Variants in KIF26A observed in about 807,000 individuals in gnomAD.
KIF26A encodes kinesin-like protein KIF26A.
Under a neutral mutation model 126.0 loss-of-function variants are expected in KIF26A, and 74 were observed. The observed-to-expected ratio is 0.59, with a 90% CI of 0.49 to 0.71. The LOEUF (loss-of-function observed/expected upper bound fraction) is 0.71, where lower values mean the gene tolerates loss of function less well. Among genes scored for constraint, KIF26A ranks in the 30% least tolerant of loss-of-function variants. KIF26A has a pLI of 0.00. For missense variants in KIF26A, 2,984 were observed against 2,763.3 expected, an observed-to-expected ratio of 1.08 and a Z score of -1.79; for synonymous variants, 1,445 against 1,232.7, an observed-to-expected ratio of 1.17 and a Z score of -3.61.
chr14:104,161,176 C>T (rs28679788), intron 4 of KIF26A, among the ~76,000 whole-genome samples: 2,038 of 152,326 alleles, frequency 0.013, 49 homozygotes, highest in African/African-American at 0.047. Context: ...ATGCCTCAGT[C>T]TCCAGCTGCC....
At chr14:104,179,586 C>T (rs1340945627) in intron 14 of KIF26A, 23 bp from the exon 15 acceptor site, 2 of 1,489,588 alleles carry the variant, frequency 1.3e-6, no homozygotes, top group Non-Finnish European at 1.8e-6. Context: ...GCAGGTGCCC[C>T]TCCCCTCTCC....
chr14:104,177,372 C>T lies in KIF26A; in HGVS notation c.4584C>T (p.Gly1528=), dbSNP rs61741213. The change falls in exon 12 of 15, where the codon GGC becomes GGT. Residue 1528 remains glycine (G), a synonymous_variant. Coordinates refer to ENST00000423312, the MANE Select transcript of KIF26A (RefSeq NM_015656.2). ...STASVTGRSP[G]GPVAGPRAAP... The stretch of plus-strand genomic sequence containing the variant: ...CCTCTGTGACGGGCAGGAGCCCTGG[C>T]GGCCCTGTGGCCGGTCCCAGAGCAG... The T allele has an allele frequency of 4.5e-3, 6,718 of 1,484,350 alleles. 276 individuals carry two copies. The African/African-American group carries it at 0.084, about 19-fold the overall frequency. 91.9% of individuals were successfully genotyped at this position (1,484,350 alleles called of 1,614,324 possible).
chr14:104,171,480 C>T (rs966249463), intron 5 of KIF26A, among the ~76,000 whole-genome samples: 2 of 152,190 alleles, frequency 1.3e-5, no homozygotes, highest in Non-Finnish European at 2.9e-5. Context: ...GCCGCACATT[C>T]GGTGCTGACA....
rs1463783946 is a variant in KIF26A at position 104,148,225 on chromosome 14, G to C, written c.289-3790G>C. Among the ~76,000 whole-genome samples the C allele has an allele frequency of 6.6e-6, 1 of 152,186 alleles. No homozygotes were observed. On this transcript the variant is annotated intron_variant, in intron 2 of 14. Coordinates refer to ENST00000423312, the MANE Select transcript of KIF26A (RefSeq NM_015656.2). This position sits in a 1 kb window ranked among gnomAD's most constrained non-coding sequence, Gnocchi z 4.3. Reference sequence around the variant, plus strand: ...CCCCAGAAACAAAATAAAGAACAAAGTCATGATTTGTAAGTAGGGGGGAGA... The same window carrying C: ...CCCCAGAAACAAAATAAAGAACAAACTCATGATTTGTAAGTAGGGGGGAGA...
At chr14:104,138,919 C>A in intron 1 of KIF26A, 124 bp from the exon 2 acceptor site, 1 of 1,272,542 alleles carries the variant, frequency 7.9e-7, no homozygotes. Flanking sequence ...AGTGGGTGAG[C>A]GCCAGGGTCG....
intron 2 of KIF26A, among the ~76,000 whole-genome samples, chr14:104,141,973 C>T (rs2037641863): frequency 6.6e-6 from 1 of 152,210 alleles, no homozygotes; most frequent in Non-Finnish European, 1.5e-5. Context: ...GCTGCTGCTG[C>T]TGTTTGCTGA....
Position 104,176,823 on chromosome 14 carries a change from T to G in KIF26A, c.4035T>G (p.Gly1345=). ...AGGCCTCCCCCACCAGCAAGAAGGG[T>G]CTGGCTCCCAAGGCGGGCTTCCTCC... The part of the protein sequence containing the change: ...SLKASPTSKK[G]LAPKAGFLPR... Residue 1345 remains glycine (G), a synonymous_variant, in exon 12 of 15, where the codon GGT becomes GGG. Transcript: ENST00000423312. The G allele has an allele frequency of 1.3e-6, 2 of 1,554,622 alleles. No individual in the cohort carries two copies. The highest frequency in any genetic ancestry group is 1.7e-6 in the Non-Finnish European group (2 of 1,150,728).
intron 3 of KIF26A, 143 bp from the exon 4 acceptor site, chr14:104,157,611 AC>A (rs1383718478): frequency 1.1e-6 from 1 of 915,970 alleles, no homozygotes; most frequent in Non-Finnish European, 1.5e-6. Context: ...TCCCGGCTTC[AC>A]AGGCTGGGCC....
At chr14:104,146,216 T>C (rs1281616898) in intron 2 of KIF26A, among the ~76,000 whole-genome samples, 2 of 152,190 alleles carry the variant, frequency 1.3e-5, no homozygotes, top group Non-Finnish European at 2.9e-5. Flanking sequence ...CCCCTAGGGC[T>C]GTGCAGGGAG....
intron 7 of KIF26A, 126 bp from the exon 8 acceptor site, chr14:104,172,851 G>A (rs1169160608): frequency 2.3e-6 from 3 of 1,313,102 alleles, no homozygotes; most frequent in East Asian, 5.1e-5. Context: ...AAAGGCAGAG[G>A]GCTTAGGATG....
At chr14:104,155,145 C>G (rs1217560649) in intron 3 of KIF26A, among the ~76,000 whole-genome samples, 4 of 152,224 alleles carry the variant, frequency 2.6e-5, no homozygotes, top group Non-Finnish European at 5.9e-5. Context: ...CTGAGCCTCC[C>G]TGGCCGCTCC....
chr14:104,175,173 C>T lies in KIF26A; in HGVS notation c.2385C>T (p.Pro795=), dbSNP rs368286191. 1.9e-5 allele frequency: 30 copies of T among 1,606,876 alleles called. No individual in the cohort carries two copies. The highest frequency in any genetic ancestry group is 1.2e-4 in the African/African-American group (9 of 74,786). ...GTGACACGGTCATCTACGTGGGGCC[C>T]GGTGGGGCGGCGCTGTCAGACCGGG... The part of the protein sequence containing the change: ...QSCDTVIYVG[P]GGAALSDREL... Residue 795 remains proline (P), a synonymous_variant, in exon 12 of 15, where the codon CCC becomes CCT. Coordinates refer to ENST00000423312, the MANE Select transcript of KIF26A (RefSeq NM_015656.2).
At chr14:104,143,224 C>T (rs925798339) in intron 2 of KIF26A, among the ~76,000 whole-genome samples, 1 of 152,260 alleles carries the variant, frequency 6.6e-6, no homozygotes, top group African/African-American at 2.4e-5. Flanking sequence ...TTGGTGCCGC[C>T]TGCTGGTGCC....
Position 104,177,474 on chromosome 14 carries a change from T to G in KIF26A, c.4686T>G (p.Ala1562=), listed in dbSNP as rs185572889. The change falls in exon 12 of 15, where the codon GCT becomes GCG. Residue 1562 remains alanine, a synonymous_variant. Transcript: ENST00000423312. ...TVMGTKQALR[A]AHSRVHELSA... Reference sequence around the variant, plus strand: ...TGGGCACAAAGCAGGCGCTCCGGGCTGCTCACAGCCGCGTCCATGAGCTGT... The same window carrying G: ...TGGGCACAAAGCAGGCGCTCCGGGCGGCTCACAGCCGCGTCCATGAGCTGT... The G allele has an allele frequency of 3.1e-4, 472 of 1,532,972 alleles. 2 individuals carry two copies. The African/African-American group carries it at 3.3e-3, about 11-fold the overall frequency. The allele number at this position is 1,532,972 out of a possible 1,614,324, so 95.0% of individuals were successfully genotyped here.
intron 2 of KIF26A, 28 bp downstream of exon 2, chr14:104,139,316 C>A: frequency 7.0e-7 from 1 of 1,422,394 alleles, no homozygotes. Context: ...AGGCCGACCC[C>A]TCCGAGCAGG....
rs925992740 is a variant in KIF26A, at chr14:104,178,770, G to A, written c.5316+15G>A. The A allele has an allele frequency of 4.2e-6, 6 of 1,440,082 alleles. No individual in the cohort carries two copies. The highest frequency in any genetic ancestry group is 4.7e-6 in the Non-Finnish European group (5 of 1,063,188). 89.2% of individuals were successfully genotyped at this position (1,440,082 alleles called of 1,614,324 possible). ...CCCCCACCCAGGTAGGGCCTTTGGT[G>A]GGCTGGGGTCTATGACCCCTGGTGG... On this transcript the variant is annotated intron_variant, in intron 13 of 14. Transcript: ENST00000423312.
Position 104,176,099 on chromosome 14 carries a change from G to A in KIF26A, c.3311G>A (p.Ser1104Asn), listed in dbSNP as rs201083657. The change falls in exon 12 of 15, where the codon AGC becomes AAC. Residue 1104 changes from serine to asparagine, a missense_variant. By Grantham distance (46) the Ser-to-Asn change is conservative. Coordinates refer to ENST00000423312, the MANE Select transcript of KIF26A (RefSeq NM_015656.2). ...CTGGAGGGGGCAGCCTGGGCCGGCA[G>A]CAGTCACGGCTCCTCCATCAGCTCC... ...GPLEGAAWAG[S>N]SHGSSISSWL... 308 of 1,585,930 alleles carry A rather than the reference G, an allele frequency of 1.9e-4. 1 individual carries two copies. The African/African-American group carries it at 3.5e-3, about 18-fold the overall frequency.
intron 2 of KIF26A, among the ~76,000 whole-genome samples, chr14:104,142,476 C>T (rs2037646356): frequency 6.6e-6 from 1 of 151,866 alleles, no homozygotes; most frequent in Non-Finnish European, 1.5e-5. Flanking sequence ...CTCTAATGGG[C>T]TGCTCTGTCT....
rs746470346 is a variant in KIF26A, at chr14:104,173,256, T to C, written c.1683+17T>C. 5 of 1,603,438 alleles carry C rather than the reference T, an allele frequency of 3.1e-6. No homozygotes were observed. Among genetic ancestry groups the C allele is most frequent in the Middle Eastern group, 1.7e-4 (1 of 6,032 alleles). ...GGGGCGCAGGTGCGCCTGCCTACTG[T>C]CCCACCTTGGGGGAGGGGGGCTGCA... On this transcript the variant is annotated intron_variant, in intron 8 of 14. Coordinates refer to ENST00000423312, the MANE Select transcript of KIF26A (RefSeq NM_015656.2).
Sources: gnomAD v4.1 joint callset for allele counts (sites outside exome capture counted in the v4.1 genomes callset) on GRCh38, gnomAD v4.1.1 for gene constraint, Gnocchi (gnomAD v3.1) non-coding constraint, MANE v1.5 for transcripts, NCBI Gene and HGNC (gene_info 2026-07-23, HGNC 2026-07-21) for gene names.